The following CDK14 variants were observed in gnomAD, a reference collection of about 807,000 sequenced individuals.
The protein encoded by CDK14 is cyclin dependent kinase 14.
In CDK14, 34 loss-of-function variants were observed where a neutral mutation model predicts 60.7. The observed-to-expected ratio is 0.56, with a 90% CI of 0.43 to 0.75. The LOEUF (loss-of-function observed/expected upper bound fraction) is 0.75, where lower values mean the gene tolerates loss of function less well. Ranked by LOEUF, CDK14 falls within the 30% of genes least tolerant of loss-of-function variation. CDK14 has a pLI of 0.00. For synonymous variants in CDK14, 197 were observed against 203.7 expected (o/e 0.97, Z 0.28); for missense variants, 482 against 564.1 (o/e 0.85, Z 1.47).
intron 14 of CDK14, among the ~76,000 whole-genome samples, chr7:91,179,068 CAAT>C (rs1174741108): frequency 6.6e-6 from 1 of 152,020 alleles, no homozygotes; most frequent in Non-Finnish European, 1.5e-5. Flanking sequence ...AAATGTCCAA[CAAT>C]GATAGACTGG....
chr7:90,782,173 GAAGCAATT>G (rs1805356922), intron 4 of CDK14, among the ~76,000 whole-genome samples: 2 of 152,012 alleles, frequency 1.3e-5, no homozygotes, highest in African/African-American at 4.8e-5. Flanking sequence ...TATTCTCTTT[GAAGCAATT>G]GTGAATGGGA....
At chr7:90,899,060 T>C (rs1792420966) in intron 6 of CDK14, among the ~76,000 whole-genome samples, 1 of 151,876 alleles carries the variant, frequency 6.6e-6, no homozygotes, top group Non-Finnish European at 1.5e-5. Context: ...GTATTCTTTT[T>C]AATATATAGA....
intron 10 of CDK14, among the ~76,000 whole-genome samples, chr7:91,008,983 C>T (rs536536135): frequency 8.5e-5 from 13 of 152,234 alleles, no homozygotes; most frequent in African/African-American, 3.1e-4. Flanking sequence ...CCCTCAATTT[C>T]TTTGAACCTC....
At chr7:90,755,254 A>G (rs1040914885) in intron 4 of CDK14, among the ~76,000 whole-genome samples, 11 of 152,240 alleles carry the variant, frequency 7.2e-5, no homozygotes, top group Non-Finnish European at 1.0e-4. Context: ...AAAATGTGGT[A>G]CATATACACC....
At chr7:90,784,136 A>G (rs1449032198) in intron 4 of CDK14, among the ~76,000 whole-genome samples, 1 of 152,184 alleles carries the variant, frequency 6.6e-6, no homozygotes, top group Non-Finnish European at 1.5e-5. Context: ...ACATGGGTGG[A>G]ACGGGAGGAC....
At chr7:90,651,000 T>A (rs1040897642) in intron 2 of CDK14, among the ~76,000 whole-genome samples, 25 of 152,228 alleles carry the variant, frequency 1.6e-4, no homozygotes, top group African/African-American at 5.1e-4. Context: ...GAAGAAAGTC[T>A]TTGGTAGCTT....
At chr7:90,928,319 C>T (rs559525376) in intron 8 of CDK14, among the ~76,000 whole-genome samples, 1 of 152,160 alleles carries the variant, frequency 6.6e-6, no homozygotes, top group African/African-American at 2.4e-5. Flanking sequence ...GAATTTTCAG[C>T]TTTTCTGCCC....
chr7:90,915,551 G>A (rs760029817), intron 7 of CDK14, among the ~76,000 whole-genome samples: 9 of 152,220 alleles, frequency 5.9e-5, no homozygotes, highest in Non-Finnish European at 1.2e-4. Context: ...TCAGTTCTCA[G>A]TTCAGTGGCC....
intron 8 of CDK14, among the ~76,000 whole-genome samples, chr7:90,942,636 A>T (rs1044419843): frequency 6.6e-6 from 1 of 152,188 alleles, no homozygotes; most frequent in Non-Finnish European, 1.5e-5. Flanking sequence ...GATCAAGAAT[A>T]GGGGGAACCT....
At position 90,974,080 on chromosome 7, in the gene CDK14, C is replaced by T. The variant is rs559279711; in HGVS notation, c.948-10068C>T. Among the ~76,000 whole-genome samples the T allele has an allele frequency of 2.2e-4, 34 of 152,178 alleles. No homozygotes were observed. The East Asian group carries it at 6.0e-3, about 27-fold the overall frequency. On this transcript the variant is annotated intron_variant, in intron 9 of 14. Transcript: ENST00000380050. ...ACCTCCCCCCAGGAATGCATTCCTT[C>T]GCTAGGGTATCAATTATTAATATTT... is the stretch of plus-strand genomic sequence containing the variant.
At chr7:90,892,324 G>A (rs1472027285) in intron 6 of CDK14, among the ~76,000 whole-genome samples, 1 of 152,076 alleles carries the variant, frequency 6.6e-6, no homozygotes, top group African/African-American at 2.4e-5. Context: ...TTTTAAAATG[G>A]ACATTATATA....
rs184094790 is a variant in CDK14 at position 90,793,062 on chromosome 7, A to G, written c.544+2410A>G. On this transcript the variant is annotated intron_variant, in intron 5 of 14. Transcript: ENST00000380050. The stretch of plus-strand genomic sequence containing the variant: ...ATCACACCCTATTTTTATTTCCATT[A>G]TAATTCTTATTGGAATGTGAAAATT... 3.1e-3 allele frequency among the ~76,000 whole-genome samples: 475 copies of G among 152,260 alleles called. 2 individuals are homozygous for G. The highest frequency in any genetic ancestry group is 5.1e-3 in the Non-Finnish European group (348 of 68,004).
intron 2 of CDK14, among the ~76,000 whole-genome samples, chr7:90,642,005 G>A (rs1800349534): frequency 6.6e-6 from 1 of 152,100 alleles, no homozygotes; most frequent in Non-Finnish European, 1.5e-5. Flanking sequence ...CATGAGAACA[G>A]CAAGGGAAAA....
chr7:91,005,150 C>A (rs1333728638), intron 10 of CDK14, among the ~76,000 whole-genome samples: 1 of 152,200 alleles, frequency 6.6e-6, no homozygotes, highest in East Asian at 1.9e-4. Context: ...CCTCTGGGTG[C>A]CAGTGGGCCC....
intron 4 of CDK14, among the ~76,000 whole-genome samples, chr7:90,778,974 T>G (rs961019796): frequency 2.0e-5 from 3 of 151,616 alleles, no homozygotes; most frequent in Admixed American, 1.3e-4. Context: ...CATGGGCAAC[T>G]GGACACGGTG....
At chr7:90,966,080 C>CT (rs1388120080) in intron 9 of CDK14, among the ~76,000 whole-genome samples, 1 of 152,020 alleles carries the variant, frequency 6.6e-6, no homozygotes, top group Non-Finnish European at 1.5e-5. Context: ...TCTTGAATTT[C>CT]TTTTTTAAAA....
At chr7:90,602,940 C>A (rs759013322) in intron 1 of CDK14, among the ~76,000 whole-genome samples, 1 of 152,160 alleles carries the variant, frequency 6.6e-6, no homozygotes, top group Non-Finnish European at 1.5e-5. Flanking sequence ...AACCTTTTCA[C>A]GATTGTTAGA....
intron 1 of CDK14, among the ~76,000 whole-genome samples, chr7:90,598,524 A>T (rs376327763): frequency 6.6e-6 from 1 of 152,122 alleles, no homozygotes; most frequent in Non-Finnish European, 1.5e-5. Flanking sequence ...ATGATTCTGA[A>T]TCGTAGATCT....
chr7:91,198,800 A>G (rs766566830), intron 14 of CDK14, among the ~76,000 whole-genome samples: 2 of 152,238 alleles, frequency 1.3e-5, no homozygotes, highest in Non-Finnish European at 2.9e-5. Flanking sequence ...TAAGCATGAA[A>G]AACTGCTGCA....
Sources: allele counts gnomAD v4.1 joint callset (sites outside exome capture counted in the v4.1 genomes callset), GRCh38; gene constraint gnomAD v4.1.1; transcripts MANE v1.5; gene names NCBI Gene and HGNC (gene_info 2026-07-23, HGNC 2026-07-21).